Variants in SLC4A10 observed in about 807,000 individuals in gnomAD.
SLC4A10 encodes the protein solute carrier family 4 member 10.
In SLC4A10, 42 loss-of-function variants were observed where a neutral mutation model predicts 137.7. The ratio of observed to expected loss-of-function variants is 0.30; its 90% CI spans 0.24 to 0.39. The LOEUF (loss-of-function observed/expected upper bound fraction) is 0.39, where lower values mean the gene tolerates loss of function less well. Ranked by LOEUF, SLC4A10 falls within the 10% of genes least tolerant of loss-of-function variation. SLC4A10 has a pLI of 1.00. For synonymous variants in SLC4A10, 474 were observed against 464.1 expected (o/e 1.02, Z -0.27); for missense variants, 925 against 1,355.0 (o/e 0.68, Z 4.98).
chr2:161,953,254 C>T (rs540296245), intron 19 of SLC4A10, among the ~76,000 whole-genome samples: 38 of 152,212 alleles, frequency 2.5e-4, no homozygotes, highest in Non-Finnish European at 3.7e-4. Flanking sequence ...ACTTTTTCTT[C>T]ACCTCTATTG....
At position 161,838,782 on chromosome 2, in the gene SLC4A10, A is replaced by G. The variant is rs1164457209; in HGVS notation, c.278-1007A>G. Among the ~76,000 whole-genome samples, 11 of 152,370 alleles carry G rather than the reference A, an allele frequency of 7.2e-5. 1 individual carries two copies. Among genetic ancestry groups the G allele is most frequent in the Admixed American group, 6.5e-4 (10 of 15,310 alleles). On this transcript the variant is annotated intron_variant, in intron 3 of 26. Coordinates refer to ENST00000446997, the MANE Select transcript of SLC4A10 (RefSeq NM_001178015.2). ...TAACACCACAATGAAATACCACTAC[A>G]TAGAATGGCTACAAAACAACTGATA...
At chr2:161,724,517 A>C (rs2046019929) in intron 1 of SLC4A10, among the ~76,000 whole-genome samples, 1 of 152,220 alleles carries the variant, frequency 6.6e-6, no homozygotes, top group Non-Finnish European at 1.5e-5. Flanking sequence ...AGTGTGAACA[A>C]GATAGATATA....
At chr2:161,922,472 A>C (rs1337145092) in intron 15 of SLC4A10, among the ~76,000 whole-genome samples, 3 of 152,142 alleles carry the variant, frequency 2.0e-5, no homozygotes, top group African/African-American at 7.2e-5. Context: ...AATAGTAACA[A>C]TTTAATTAAA....
Position 161,898,117 on chromosome 2 carries a change from A to G in SLC4A10, c.1342-2794A>G, listed in dbSNP as rs531444279. ...CCGAGTTCTGCAATTATCTATATGT[A>G]TGACCTTGAACAAATGTTTTAACCT... On this transcript the variant is annotated intron_variant, in intron 11 of 26. Transcript: ENST00000446997. 2.0e-3 allele frequency among the ~76,000 whole-genome samples: 303 copies of G among 152,222 alleles called. 1 individual carries two copies. The highest frequency in any genetic ancestry group is 6.7e-3 in the African/African-American group (278 of 41,548).
chr2:161,847,148 T>C (rs1214899832), intron 4 of SLC4A10, among the ~76,000 whole-genome samples: 1 of 148,394 alleles, frequency 6.7e-6, no homozygotes, highest in South Asian at 2.1e-4. Flanking sequence ...AAGGCTGAGG[T>C]GGAAGGATCA....
intron 1 of SLC4A10, among the ~76,000 whole-genome samples, chr2:161,628,709 G>A (rs539813209): frequency 7.2e-5 from 11 of 152,036 alleles, no homozygotes; most frequent in East Asian, 1.9e-4. Context: ...ATTAATCCCC[G>A]TTTCTACTTT....
At chr2:161,893,958 C>T (rs2063184657) in intron 10 of SLC4A10, among the ~76,000 whole-genome samples, 1 of 151,862 alleles carries the variant, frequency 6.6e-6, no homozygotes, top group African/African-American at 2.4e-5. Flanking sequence ...ATAGGTTTAT[C>T]CAGACTTAAC....
intron 15 of SLC4A10, among the ~76,000 whole-genome samples, chr2:161,916,638 C>T (rs1407450575): frequency 6.6e-6 from 1 of 152,214 alleles, no homozygotes; most frequent in Non-Finnish European, 1.5e-5. Flanking sequence ...TCTCTCTCCT[C>T]CTGCTACTTT....
At chr2:161,861,699 T>C (rs1444539085) in intron 5 of SLC4A10, among the ~76,000 whole-genome samples, 1 of 152,196 alleles carries the variant, frequency 6.6e-6, no homozygotes, top group East Asian at 1.9e-4. Flanking sequence ...ACTGATAGCC[T>C]CAATATTCCA....
intron 1 of SLC4A10, among the ~76,000 whole-genome samples, chr2:161,722,351 T>C (rs1315041640): frequency 1.3e-5 from 2 of 152,214 alleles, no homozygotes; most frequent in Non-Finnish European, 2.9e-5. Context: ...TGCTGACCTT[T>C]GGATGGGGTT....
chr2:161,873,834 G>C, intron 7 of SLC4A10, 82 bp from the exon 8 acceptor site: 2 of 1,347,708 alleles, frequency 1.5e-6, no homozygotes, highest in South Asian at 1.3e-5. Flanking sequence ...ATCTAGTTAC[G>C]TGCATGCTCT....
chr2:161,705,028 T>TGA (rs2043505401), intron 1 of SLC4A10, among the ~76,000 whole-genome samples: 1 of 151,652 alleles, frequency 6.6e-6, no homozygotes, highest in Admixed American at 6.6e-5. Flanking sequence ...TTGTATTTAC[T>TGA]GAGGTATTTG....
chr2:161,975,734 G>A (rs750587784), intron 24 of SLC4A10, among the ~76,000 whole-genome samples: 14 of 152,258 alleles, frequency 9.2e-5, no homozygotes, highest in Non-Finnish European at 1.3e-4. Context: ...ATGAAAAGGC[G>A]GCATTTGAAC....
intron 5 of SLC4A10, among the ~76,000 whole-genome samples, chr2:161,861,252 T>C (rs1282499253): frequency 6.6e-6 from 1 of 152,222 alleles, no homozygotes; most frequent in African/African-American, 2.4e-5. Flanking sequence ...GGCAGGGCTA[T>C]GTCAGTTAGA....
At chr2:161,692,718 C>T (rs1392744084) in intron 1 of SLC4A10, among the ~76,000 whole-genome samples, 1 of 151,982 alleles carries the variant, frequency 6.6e-6, no homozygotes, top group Non-Finnish European at 1.5e-5. Context: ...ATTGAGCACT[C>T]GATCTAAAAA....
chr2:161,696,596 A>T (rs1002766667), intron 1 of SLC4A10, among the ~76,000 whole-genome samples: 1 of 149,326 alleles, frequency 6.7e-6, no homozygotes, highest in African/African-American at 2.5e-5. Context: ...GAGAATGATG[A>T]TTTCCAATTT....
At chr2:161,944,523 G>A (rs1201061862) in intron 16 of SLC4A10, among the ~76,000 whole-genome samples, 1 of 151,772 alleles carries the variant, frequency 6.6e-6, no homozygotes, top group East Asian at 1.9e-4. Context: ...CCTGAGTTTT[G>A]AGGTCAAGTA....
At chr2:161,783,835 A>G (rs1157544643) in intron 2 of SLC4A10, among the ~76,000 whole-genome samples, 1 of 151,848 alleles carries the variant, frequency 6.6e-6, no homozygotes, top group Non-Finnish European at 1.5e-5. Flanking sequence ...AGAGAGGAAA[A>G]AATGCACAAA....
chr2:161,673,247 C>T (rs1363773923), intron 1 of SLC4A10, among the ~76,000 whole-genome samples: 2 of 152,110 alleles, frequency 1.3e-5, no homozygotes, highest in East Asian at 3.9e-4. Flanking sequence ...ATTTTAGTTT[C>T]CCTGTCTCTA....
Sources: allele counts gnomAD v4.1 joint callset (sites outside exome capture counted in the v4.1 genomes callset), GRCh38; gene constraint gnomAD v4.1.1; transcripts MANE v1.5; gene names NCBI Gene and HGNC (gene_info 2026-07-23, HGNC 2026-07-21).